CEP170: variants seen among roughly 807,000 people sequenced by gnomAD.
The protein encoded by CEP170 is centrosomal protein 170.
CEP170 carries 21 observed loss-of-function variants against 151.9 expected under a neutral mutation model. The observed-to-expected ratio is 0.14, with a 90% CI of 0.10 to 0.20. The LOEUF (loss-of-function observed/expected upper bound fraction) is 0.20. Among genes scored for constraint, CEP170 ranks in the 10% least tolerant of loss-of-function variants. The pLI, the probability that CEP170 is intolerant of heterozygous loss-of-function variation, is 1.00. For missense variants in CEP170, 964 were observed against 1,892.9 expected (o/e 0.51, Z 9.11); for synonymous variants, 356 against 648.8 (o/e 0.55, Z 6.86).
At chr1:243,139,054 G>T (rs1318429806) in intron 16 of CEP170, among the ~76,000 whole-genome samples, 1 of 151,514 alleles carries the variant, frequency 6.6e-6, no homozygotes, top group Non-Finnish European at 1.5e-5. Flanking sequence ...CTGAATGCTT[G>T]TTAAGTTAAA....
chr1:243,156,686 T>C, intron 13 of CEP170: 2 of 419,852 alleles, frequency 4.8e-6, no homozygotes, highest in Non-Finnish European at 8.3e-6. Context: ...AAGACCATGT[T>C]TTCCATAGTG....
intron 13 of CEP170, among the ~76,000 whole-genome samples, chr1:243,164,035 T>C (rs1237055687): frequency 1.3e-5 from 2 of 152,320 alleles, no homozygotes; most frequent in East Asian, 3.9e-4. Context: ...AATGAATTCC[T>C]AGTTTTGAAA....
intron 13 of CEP170, among the ~76,000 whole-genome samples, chr1:243,158,606 G>A (rs1402123357): frequency 1.3e-5 from 2 of 152,134 alleles, no homozygotes; most frequent in African/African-American, 4.8e-5. Flanking sequence ...GTAGAGCCAT[G>A]CTAGAATCAA....
At chr1:243,133,039 CA>C (rs1231592455) in intron 17 of CEP170, among the ~76,000 whole-genome samples, 1 of 152,160 alleles carries the variant, frequency 6.6e-6, no homozygotes, top group African/African-American at 2.4e-5. Flanking sequence ...AACTCCTTAA[CA>C]AATTCTGCCA....
chr1:243,148,208 C>A (rs1410632844), intron 14 of CEP170, among the ~76,000 whole-genome samples: 16 of 151,688 alleles, frequency 1.1e-4, no homozygotes, highest in Middle Eastern at 3.2e-3. Flanking sequence ...ACAACAACAA[C>A]AAAAAACAAA....
In CEP170 at chr1:243,165,854, G is replaced by T. The variant is rs758103936; in HGVS notation, c.2106C>A (p.Asn702Lys). Residue 702 changes from asparagine (N) to lysine (K), a missense_variant, in exon 13 of 20, where the codon AAC (asparagine) becomes AAA (lysine). Physicochemically the swap from Asn to Lys is moderately conservative, Grantham distance 94 (BLOSUM62 0). Coordinates refer to ENST00000366542, the MANE Select transcript of CEP170 (RefSeq NM_014812.3). ...QDADRPLSKM[N>K]RAVNGETLKT... ...TGAGAGTCTCTCCATTTACTGCCCT[G>T]TTCATTTTACTCAAGGGTCTGTCAG... 6.2e-7 allele frequency: 1 copy of T among 1,613,822 alleles called. No individual in the cohort carries two copies. The highest frequency in any genetic ancestry group is 8.5e-7 in the Non-Finnish European group (1 of 1,179,866).
At chr1:243,175,763 T>G (rs1029767340) in intron 10 of CEP170, among the ~76,000 whole-genome samples, 16 of 151,874 alleles carry the variant, frequency 1.1e-4, no homozygotes, top group African/African-American at 3.9e-4. Context: ...TGTTGCTTAC[T>G]GTCATCCCAC....
intron 11 of CEP170, among the ~76,000 whole-genome samples, chr1:243,171,539 C>A (rs1260177501): frequency 2.0e-5 from 3 of 151,322 alleles, no homozygotes; most frequent in Non-Finnish European, 4.4e-5. Context: ...AGCTCATTTC[C>A]TGAGAGACAA....
Position 243,211,881 on chromosome 1 carries a change from G to T in CEP170, c.274+5C>A. 3 of 1,601,102 alleles carry T rather than the reference G, an allele frequency of 1.9e-6. No homozygotes were observed. The highest frequency in any genetic ancestry group is 2.6e-6 in the Non-Finnish European group (3 of 1,174,296). On this transcript the variant is annotated splice_donor_5th_base_variant and intron_variant, in intron 4 of 19. Transcript: ENST00000366542. Reference sequence around the variant, plus strand: ...TAATAAGTACATAAAACCATTTAAGGATATCATATCCAAATCTCAGCTTAT... The same window carrying T: ...TAATAAGTACATAAAACCATTTAAGTATATCATATCCAAATCTCAGCTTAT...
intron 1 of CEP170, among the ~76,000 whole-genome samples, chr1:243,232,258 C>A (rs952867634): frequency 2.0e-5 from 3 of 152,136 alleles, no homozygotes; most frequent in Admixed American, 6.5e-5. Context: ...AGCCCCCATG[C>A]CTGGCCTTCA....
At chr1:243,180,888 A>G (rs2059578343) in intron 10 of CEP170, among the ~76,000 whole-genome samples, 1 of 152,218 alleles carries the variant, frequency 6.6e-6, no homozygotes, top group African/African-American at 2.4e-5. Context: ...AGGGAAGAAA[A>G]GACGCTAGTA....
chr1:243,227,996 T>G (rs975834043), intron 1 of CEP170, among the ~76,000 whole-genome samples: 1 of 152,200 alleles, frequency 6.6e-6, no homozygotes, highest in Non-Finnish European at 1.5e-5. Flanking sequence ...TAGTTTCTTC[T>G]TCAGTAAAAT....
intron 10 of CEP170, among the ~76,000 whole-genome samples, chr1:243,182,713 T>G (rs570603680): frequency 2.0e-5 from 3 of 152,178 alleles, no homozygotes; most frequent in African/African-American, 7.2e-5. Flanking sequence ...TGCTTTCGAA[T>G]AGGCTGTTCC....
chr1:243,220,336 A>C (rs1459601724), intron 3 of CEP170, among the ~76,000 whole-genome samples: 1 of 152,182 alleles, frequency 6.6e-6, no homozygotes, highest in Non-Finnish European at 1.5e-5. Flanking sequence ...CAATCTGGAA[A>C]GGTGGATAAT....
chr1:243,244,432 A>T (rs1425187172), intron 1 of CEP170, among the ~76,000 whole-genome samples: 1 of 152,124 alleles, frequency 6.6e-6, no homozygotes. Context: ...GAAACTAAAA[A>T]ACAAATAGTT....
At chr1:243,172,473 A>G (rs1378571827) in intron 11 of CEP170, among the ~76,000 whole-genome samples, 4 of 152,258 alleles carry the variant, frequency 2.6e-5, no homozygotes, top group Middle Eastern at 6.8e-3. Context: ...TCTCTACTAA[A>G]AATATGAAAT....
chr1:243,215,503 G>A (rs945480889), intron 3 of CEP170, among the ~76,000 whole-genome samples: 10 of 152,254 alleles, frequency 6.6e-5, no homozygotes, highest in African/African-American at 2.4e-4. Context: ...TTTACGGTTG[G>A]AGATAAGGGA....
At chr1:243,189,854 G>A (rs1162759484) in intron 8 of CEP170, among the ~76,000 whole-genome samples, 10 of 152,076 alleles carry the variant, frequency 6.6e-5, no homozygotes, top group Admixed American at 1.3e-4. Context: ...TCTCAATTAC[G>A]TATTGTCTAG....
At chr1:243,199,427 G>A (rs1456235393) in intron 6 of CEP170, among the ~76,000 whole-genome samples, 1 of 151,934 alleles carries the variant, frequency 6.6e-6, no homozygotes, top group Non-Finnish European at 1.5e-5. Flanking sequence ...GTAACACAAC[G>A]TGCTACATAT....
Sources: gnomAD v4.1 joint callset for allele counts (sites outside exome capture counted in the v4.1 genomes callset) on GRCh38, gnomAD v4.1.1 for gene constraint, MANE v1.5 for transcripts, NCBI Gene and HGNC (gene_info 2026-07-23, HGNC 2026-07-21) for gene names.